Variants in ERC1 observed in about 807,000 individuals in gnomAD.
ERC1 encodes ELKS/RAB6-interacting/CAST family member 1.
In ERC1, 56 loss-of-function variants were observed where a neutral mutation model predicts 132.0. That is an observed-to-expected ratio of 0.42 (90% CI 0.34 to 0.53). The LOEUF (loss-of-function observed/expected upper bound fraction) is 0.53, where lower values mean the gene tolerates loss of function less well. Ranked by LOEUF, ERC1 falls within the 20% of genes least tolerant of loss-of-function variation. The pLI is 0.03. For missense variants in ERC1, 1,202 were observed against 1,349.9 expected, an observed-to-expected ratio of 0.89 and a Z score of 1.72; for synonymous variants, 478 against 476.1, an observed-to-expected ratio of 1.00 and a Z score of -0.05.
chr12:1,414,648 C>T (rs961431501), intron 17 of ERC1, among the ~76,000 whole-genome samples: 4 of 152,096 alleles, frequency 2.6e-5, no homozygotes, highest in Admixed American at 6.5e-5. Flanking sequence ...ACTCTCTATC[C>T]GTTTACTGTA....
chr12:1,375,926 C>T (rs961703103), intron 16 of ERC1, among the ~76,000 whole-genome samples: 3 of 151,814 alleles, frequency 2.0e-5, no homozygotes, highest in Admixed American at 1.3e-4. Flanking sequence ...TTAGTAGAGA[C>T]GGGGTTTCAC....
chr12:1,173,938 G>A (rs148448594), intron 8 of ERC1, among the ~76,000 whole-genome samples: 11 of 152,146 alleles, frequency 7.2e-5, no homozygotes, highest in Non-Finnish European at 1.2e-4. Context: ...AGTCAGTGGG[G>A]CTCAGCTGTT....
intron 18 of ERC1, among the ~76,000 whole-genome samples, chr12:1,478,471 C>G (rs926025281): frequency 1.3e-5 from 2 of 152,148 alleles, no homozygotes; most frequent in Non-Finnish European, 2.9e-5. Context: ...GTGGACTGCC[C>G]TTTCACTCTC....
At chr12:1,034,875 G>GA (rs1274151435) in intron 2 of ERC1, among the ~76,000 whole-genome samples, 1 of 152,164 alleles carries the variant, frequency 6.6e-6, no homozygotes, top group Admixed American at 6.5e-5. Flanking sequence ...CAGTTCCAGT[G>GA]AAACAGTCCA....
At chr12:1,424,722 A>G (rs191668199) in intron 17 of ERC1, among the ~76,000 whole-genome samples, 2 of 152,280 alleles carry the variant, frequency 1.3e-5, no homozygotes, top group East Asian at 3.9e-4. Flanking sequence ...AGAAATAAAC[A>G]CTGAAGTAAT....
chr12:1,433,954 A>G (rs922652625), intron 17 of ERC1, among the ~76,000 whole-genome samples: 9 of 143,672 alleles, frequency 6.3e-5, no homozygotes, highest in African/African-American at 2.4e-4. Context: ...ACTCCAGCCT[A>G]GGCGACAGAG....
intron 2 of ERC1, among the ~76,000 whole-genome samples, chr12:1,077,415 C>T (rs567363474): frequency 7.6e-4 from 115 of 152,246 alleles, no homozygotes; most frequent in Non-Finnish European, 1.5e-3. Context: ...ATTGTTTTTG[C>T]AGATATCTAA....
chr12:1,252,423 TA>T (rs2076527398), intron 13 of ERC1, among the ~76,000 whole-genome samples: 1 of 152,204 alleles, frequency 6.6e-6, no homozygotes. Context: ...CAAAGATTTA[TA>T]GTGTCCTAGG....
In ERC1 at chr12:1,341,090, T is replaced by C. The variant is rs1415349845; in HGVS notation, c.2781-30743T>C. Reference sequence around the variant, plus strand: ...TTTTCTTTTTTTTTTTTTTTTTTTTTTTTTTTTTTTTTTTTTTTTTTGAGG... The same window carrying C: ...TTTTCTTTTTTTTTTTTTTTTTTTTCTTTTTTTTTTTTTTTTTTTTTGAGG... On this transcript the variant is annotated intron_variant, in intron 15 of 18. Coordinates refer to ENST00000360905, the MANE Select transcript of ERC1 (RefSeq NM_178040.4). Among the ~76,000 whole-genome samples, 387 of 80,088 alleles carry C rather than the reference T, an allele frequency of 4.8e-3. 18 individuals are homozygous for C. Among genetic ancestry groups the C allele is most frequent in the African/African-American group, 0.017 (347 of 20,548 alleles). The allele number at this position is 80,088 out of a possible 152,430, so 52.5% of individuals were successfully genotyped here. A position where few individuals can be genotyped will look rare whatever the true frequency, so the allele number is the denominator to read the frequency against.
intron 7 of ERC1, among the ~76,000 whole-genome samples, chr12:1,128,882 C>T (rs956656963): frequency 1.3e-5 from 2 of 152,136 alleles, no homozygotes; most frequent in African/African-American, 4.8e-5. Flanking sequence ...TTATAGAGAG[C>T]TGCAGGAACA....
At chr12:1,034,225 TA>T (rs894771876) in intron 2 of ERC1, among the ~76,000 whole-genome samples, 3 of 152,090 alleles carry the variant, frequency 2.0e-5, no homozygotes, top group Non-Finnish European at 4.4e-5. Flanking sequence ...GTATTGTTAA[TA>T]AAAAATCACA....
rs1475358858 is a variant in ERC1 at position 1,418,619 on chromosome 12, CTTTCTTTCTT to C, written c.3024+10374_3024+10383del. On this transcript the variant is annotated intron_variant, in intron 17 of 18. Coordinates refer to ENST00000360905, the MANE Select transcript of ERC1 (RefSeq NM_178040.4). Reference sequence around the variant, plus strand: ...TCTTTCTTTCTTTCTTTCTTTCTTTCTTTCTTTCTTTCTTTCTTTCTTTCTCTCTCTCTCT... The same window carrying C: ...TCTTTCTTTCTTTCTTTCTTTCTTTCTCTTTCTTTCTTTCTCTCTCTCTCT... Among the ~76,000 whole-genome samples, 341 of 126,778 alleles carry C rather than the reference CTTTCTTTCTT, an allele frequency of 2.7e-3. 3 individuals carry two copies. Among genetic ancestry groups the C allele is most frequent in the African/African-American group, 0.013 (328 of 25,866 alleles). 83.2% of individuals were successfully genotyped at this position (126,778 alleles called of 152,430 possible).
intron 8 of ERC1, among the ~76,000 whole-genome samples, chr12:1,180,274 TGTGTGTGTGC>T (rs948689265): frequency 3.4e-5 from 5 of 148,012 alleles, no homozygotes; most frequent in African/African-American, 1.3e-4. Flanking sequence ...TGTGTGTGTG[TGTGTGTGTGC>T]GCGCACGCGT....
chr12:1,126,986 CAAAAAAAAAAAAAAA>C (rs71055135), intron 7 of ERC1, among the ~76,000 whole-genome samples: 6 of 114,184 alleles, frequency 5.3e-5, no homozygotes, highest in Non-Finnish European at 5.2e-5. Context: ...GATTCTGTCT[CAAAAAAAAAAAAAAA>C]AAAAAAAAAA....
chr12:991,922 T>G (rs1350234463), intron 1 of ERC1: 4 of 151,844 alleles, frequency 2.6e-5, no homozygotes, highest in Non-Finnish European at 5.9e-5. Flanking sequence ...CAGAACCTAT[T>G]TTATTGCACT....
chr12:1,314,802 T>C (rs2081572096), intron 15 of ERC1, among the ~76,000 whole-genome samples: 2 of 152,198 alleles, frequency 1.3e-5, no homozygotes, highest in Non-Finnish European at 2.9e-5. Context: ...AAAAATTATT[T>C]CTTTGTTCAT....
At chr12:1,248,969 A>C (rs975727532) in intron 13 of ERC1, among the ~76,000 whole-genome samples, 5 of 152,100 alleles carry the variant, frequency 3.3e-5, no homozygotes, top group Non-Finnish European at 7.4e-5. Context: ...TGCAGCCTCA[A>C]ACTCCTGGAC....
intron 2 of ERC1, among the ~76,000 whole-genome samples, chr12:1,062,280 CCTTTT>C (rs1419339813): frequency 1.3e-5 from 2 of 151,952 alleles, no homozygotes; most frequent in Non-Finnish European, 1.5e-5. Flanking sequence ...ATGCGCCCGG[CCTTTT>C]CTTTTCTTTT....
intron 7 of ERC1, among the ~76,000 whole-genome samples, chr12:1,116,756 T>C (rs1328975080): frequency 6.6e-6 from 1 of 152,088 alleles, no homozygotes; most frequent in Non-Finnish European, 1.5e-5. Context: ...CTAATTTTTG[T>C]ATTTTTAGTG....
Sources: gnomAD v4.1 joint callset for allele counts (sites outside exome capture counted in the v4.1 genomes callset) on GRCh38, gnomAD v4.1.1 for gene constraint, MANE v1.5 for transcripts, NCBI Gene and HGNC (gene_info 2026-07-23, HGNC 2026-07-21) for gene names.